The following EPSTI1 variants were observed in gnomAD, a reference collection of about 807,000 sequenced individuals.
EPSTI1 encodes the protein epithelial-stromal interaction protein 1.
A neutral mutation model predicts 49.9 loss-of-function variants in EPSTI1; 66 were observed. The observed-to-expected ratio is 1.32, with a 90% CI of 1.08 to 1.62. EPSTI1 has a LOEUF of 1.62. EPSTI1 is among the 40% of genes most tolerant of loss of function. EPSTI1 has a pLI of 0.00. For synonymous variants in EPSTI1, 137 were observed against 130.7 expected, an observed-to-expected ratio of 1.05 and a Z score of -0.33; for missense variants, 394 against 365.5, an observed-to-expected ratio of 1.08 and a Z score of -0.64.
chr13:42,898,773 C>T (rs2037270006), intron 9 of EPSTI1, among the ~76,000 whole-genome samples: 1 of 152,200 alleles, frequency 6.6e-6, no homozygotes, highest in Admixed American at 6.5e-5. Context: ...TAATGTGACA[C>T]ATCACTGTGT....
chr13:42,888,516 A>T lies in EPSTI1; in HGVS notation c.916-14T>A. 1.9e-6 allele frequency: 3 copies of T among 1,579,194 alleles called. No individual in the cohort carries two copies. In the South Asian group the frequency reaches 3.5e-5, roughly 19 times the overall value. Reference sequence around the variant, plus strand: ...TTCTCATATACCCTGGAAGAAAAAGAAAACAAAAATTACTGCAAGCAGCAA... The same window carrying T: ...TTCTCATATACCCTGGAAGAAAAAGTAAACAAAAATTACTGCAAGCAGCAA... On this transcript the variant is annotated splice_polypyrimidine_tract_variant and intron_variant, in intron 10 of 10. Transcript: ENST00000313624.
chr13:42,977,124 C>T (rs1370569583), intron 1 of EPSTI1, among the ~76,000 whole-genome samples: 2 of 152,314 alleles, frequency 1.3e-5, no homozygotes, highest in Non-Finnish European at 2.9e-5. Flanking sequence ...GAAGAAAACA[C>T]TAACAGTCCT....
intron 10 of EPSTI1, among the ~76,000 whole-genome samples, chr13:42,892,896 G>GA (rs1265689330): frequency 2.1e-4 from 2 of 9,624 alleles, no homozygotes; most frequent in African/African-American, 3.6e-4. Context: ...TGAGGTATAT[G>GA]AAAACCCAGG....
intron 8 of EPSTI1, among the ~76,000 whole-genome samples, chr13:42,905,144 G>A (rs564308571): frequency 6.6e-6 from 1 of 152,122 alleles, no homozygotes; most frequent in Non-Finnish European, 1.5e-5. Context: ...CACCACACAT[G>A]AAGCTAAGAA....
chr13:42,936,231 T>A (rs1003490553), intron 6 of EPSTI1, among the ~76,000 whole-genome samples: 1 of 152,202 alleles, frequency 6.6e-6, no homozygotes, highest in Non-Finnish European at 1.5e-5. Context: ...TCTATCAGCA[T>A]ACAAACATGA....
chr13:42,896,954 G>A (rs1399719765), intron 9 of EPSTI1, among the ~76,000 whole-genome samples: 4 of 152,048 alleles, frequency 2.6e-5, no homozygotes, highest in Non-Finnish European at 4.4e-5. Flanking sequence ...ACAAAAATTA[G>A]CCCGGCATGG....
intron 5 of EPSTI1, among the ~76,000 whole-genome samples, chr13:42,959,544 T>C (rs1382597618): frequency 6.6e-6 from 1 of 152,270 alleles, no homozygotes; most frequent in Non-Finnish European, 1.5e-5. Flanking sequence ...CCTTAACATG[T>C]ACCTGTATGC....
At chr13:42,921,021 G>GA (rs1437469519) in intron 7 of EPSTI1, among the ~76,000 whole-genome samples, 1 of 152,012 alleles carries the variant, frequency 6.6e-6, no homozygotes, top group Admixed American at 6.6e-5. Flanking sequence ...ACTTACAGGA[G>GA]AAAATCTCTA....
At chr13:42,971,529 CA>C (rs1312700471) in intron 1 of EPSTI1, among the ~76,000 whole-genome samples, 1 of 152,132 alleles carries the variant, frequency 6.6e-6, no homozygotes, top group Non-Finnish European at 1.5e-5. Context: ...AGCACAGCAA[CA>C]GACTGCAGCA....
Position 42,979,451 on chromosome 13 carries a change from G to A in EPSTI1, c.189-8781C>T, listed in dbSNP as rs191283072. ...AAAAAAATTAGCCGGGCGTGGTGGC[G>A]GGTGCCTGTAGTCCCAGCTACTCAG... On this transcript the variant is annotated intron_variant, in intron 1 of 10. Coordinates refer to ENST00000313624, the MANE Select transcript of EPSTI1 (RefSeq NM_033255.5). 6.0e-3 allele frequency among the ~76,000 whole-genome samples: 916 copies of A among 151,880 alleles called. 13 individuals carry two copies. Among genetic ancestry groups the A allele is most frequent in the African/African-American group, 0.02 (829 of 41,490 alleles).
At position 42,992,082 on chromosome 13, in the gene EPSTI1, A is replaced by G. The variant is rs1338780322; in HGVS notation, c.84T>C (p.Ser28=). The G allele has an allele frequency of 1.4e-5, 23 of 1,613,118 alleles. No homozygotes were observed. Among genetic ancestry groups the G allele is most frequent in the Non-Finnish European group, 1.8e-5 (21 of 1,180,000 alleles). Residue 28 remains serine (S), a synonymous_variant, in exon 1 of 11, where the codon TCT becomes TCC. Coordinates refer to ENST00000313624, the MANE Select transcript of EPSTI1 (RefSeq NM_033255.5). ...SRPTRDPQDP[S]GRQGELSPVE... Reference sequence around the variant, plus strand: ...CGGGGCTCAGCTCCCCTTGCCGCCCAGAAGGGTCCTGGGGATCCCGGGTCG... The same window carrying G: ...CGGGGCTCAGCTCCCCTTGCCGCCCGGAAGGGTCCTGGGGATCCCGGGTCG...
At chr13:42,903,920 C>G (rs114465926) in intron 8 of EPSTI1, among the ~76,000 whole-genome samples, 1 of 152,112 alleles carries the variant, frequency 6.6e-6, no homozygotes, top group Admixed American at 6.5e-5. Context: ...GAAAAAATAC[C>G]ATAAAATTAA....
intron 1 of EPSTI1, among the ~76,000 whole-genome samples, chr13:42,986,744 CAAAAAAAAAAAA>C (rs71099813): frequency 4.9e-5 from 4 of 80,814 alleles, no homozygotes; most frequent in East Asian, 3.9e-4. Context: ...GATTCCATCT[CAAAAAAAAAAAA>C]AAAAAAAAAA....
intron 8 of EPSTI1, among the ~76,000 whole-genome samples, chr13:42,909,691 A>G (rs2037608205): frequency 6.6e-6 from 1 of 152,102 alleles, no homozygotes; most frequent in Non-Finnish European, 1.5e-5. Context: ...AAAGACAAAT[A>G]CCACATGATA....
intron 7 of EPSTI1, among the ~76,000 whole-genome samples, chr13:42,919,516 A>G (rs2037933784): frequency 6.6e-6 from 1 of 152,196 alleles, no homozygotes; most frequent in Admixed American, 6.5e-5. Context: ...CCCAAAAGCT[A>G]TGCTTATAAT....
At chr13:42,956,162 C>A (rs2153429368) in intron 5 of EPSTI1, among the ~76,000 whole-genome samples, 1 of 152,266 alleles carries the variant, frequency 6.6e-6, no homozygotes. Flanking sequence ...GAAATGCTCT[C>A]AAAAGTTCCA....
chr13:42,950,964 C>T (rs1452343978), intron 6 of EPSTI1, among the ~76,000 whole-genome samples: 2 of 152,066 alleles, frequency 1.3e-5, no homozygotes, highest in African/African-American at 4.8e-5. Flanking sequence ...TGAGACTACC[C>T]TGGCCAACAT....
chr13:42,973,953 C>T (rs1215953243), intron 1 of EPSTI1, among the ~76,000 whole-genome samples: 2 of 152,136 alleles, frequency 1.3e-5, no homozygotes, highest in African/African-American at 2.4e-5. Context: ...AGCGCACATC[C>T]GTGAGATATA....
At chr13:42,972,164 C>T (rs1187466538) in intron 1 of EPSTI1, among the ~76,000 whole-genome samples, 1 of 152,192 alleles carries the variant, frequency 6.6e-6, no homozygotes, top group African/African-American at 2.4e-5. Flanking sequence ...GAAATTGCTA[C>T]ACAATCTTCA....
Sources: gnomAD v4.1 joint callset for allele counts (sites outside exome capture counted in the v4.1 genomes callset) on GRCh38, gnomAD v4.1.1 for gene constraint, MANE v1.5 for transcripts, NCBI Gene and HGNC (gene_info 2026-07-23, HGNC 2026-07-21) for gene names.